Variants in IGF1R observed in about 807,000 individuals in gnomAD.
IGF1R encodes insulin like growth factor 1 receptor.
Under a neutral mutation model 144.6 loss-of-function variants are expected in IGF1R, and 44 were observed. The ratio of observed to expected loss-of-function variants is 0.30; its 90% CI spans 0.24 to 0.39. The LOEUF is 0.39. Among genes scored for constraint, IGF1R ranks in the 10% least tolerant of loss-of-function variants. The pLI is 1.00. For synonymous variants in IGF1R, 795 were observed against 722.8 expected (o/e 1.10, Z -1.60); for missense variants, 1,355 against 1,833.7 (o/e 0.74, Z 4.77).
At chr15:98,885,807 G>C (rs2013611440) in intron 2 of IGF1R, among the ~76,000 whole-genome samples, 1 of 149,574 alleles carries the variant, frequency 6.7e-6, no homozygotes, top group South Asian at 2.1e-4. Flanking sequence ...TGAAGAGGTT[G>C]AGTCTCCTAT....
chr15:98,756,865 C>T (rs1488095635), intron 2 of IGF1R, among the ~76,000 whole-genome samples: 3 of 152,038 alleles, frequency 2.0e-5, no homozygotes, highest in African/African-American at 7.2e-5. Flanking sequence ...TTGATTCTGA[C>T]ATTACTTAGA....
At chr15:98,783,483 AGTTT>A (rs1828008615) in intron 2 of IGF1R, among the ~76,000 whole-genome samples, 1 of 152,120 alleles carries the variant, frequency 6.6e-6, no homozygotes, top group Non-Finnish European at 1.5e-5. Context: ...GTTTATCAAT[AGTTT>A]GTTTCTTTTT....
chr15:98,854,952 C>A (rs1337956594), intron 2 of IGF1R, among the ~76,000 whole-genome samples: 3 of 150,518 alleles, frequency 2.0e-5, no homozygotes, highest in African/African-American at 7.4e-5. Flanking sequence ...CCCCCCCCAA[C>A]ACATGTGGAG....
chr15:98,834,046 C>T (rs547402297), intron 2 of IGF1R, among the ~76,000 whole-genome samples: 10 of 152,336 alleles, frequency 6.6e-5, no homozygotes, highest in Admixed American at 5.2e-4. Context: ...TGCCAGATGT[C>T]ATCTCCTAAT....
At chr15:98,756,246 C>G (rs1379588975) in intron 2 of IGF1R, among the ~76,000 whole-genome samples, 1 of 100,066 alleles carries the variant, frequency 1.0e-5, no homozygotes, top group African/African-American at 3.1e-5. Flanking sequence ...TAGGAAATAA[C>G]CTGTTTTTTT....
intron 2 of IGF1R, among the ~76,000 whole-genome samples, chr15:98,760,587 G>C (rs549978598): frequency 2.0e-4 from 31 of 152,338 alleles, no homozygotes; most frequent in Non-Finnish European, 3.8e-4. Context: ...TGAGCTGAGT[G>C]CATGTCGCTG....
intron 2 of IGF1R, among the ~76,000 whole-genome samples, chr15:98,768,779 A>AAAAAAAAT (rs1567119336): frequency 7.0e-6 from 1 of 143,698 alleles, no homozygotes; most frequent in Non-Finnish European, 1.5e-5. Context: ...AAAAAAAAAA[A>AAAAAAAAT]AAGCCGGGCG....
At chr15:98,826,630 T>C (rs1343418703) in intron 2 of IGF1R, among the ~76,000 whole-genome samples, 2 of 152,214 alleles carry the variant, frequency 1.3e-5, no homozygotes, top group Non-Finnish European at 2.9e-5. Flanking sequence ...TTTTAAGTTC[T>C]TAGGCCTCAG....
At chr15:98,677,967 C>CT (rs1188363946) in intron 1 of IGF1R, among the ~76,000 whole-genome samples, 3 of 152,140 alleles carry the variant, frequency 2.0e-5, no homozygotes, top group Non-Finnish European at 2.9e-5. Flanking sequence ...CATATTTGTC[C>CT]TTTTTTGTCT....
At chr15:98,843,225 C>CT (rs2011207265) in intron 2 of IGF1R, among the ~76,000 whole-genome samples, 1 of 152,108 alleles carries the variant, frequency 6.6e-6, no homozygotes, top group Admixed American at 6.5e-5. Context: ...TTTTTGGCAT[C>CT]TTTTTTCCCC....
At chr15:98,695,725 T>G (rs1031570728) in intron 1 of IGF1R, among the ~76,000 whole-genome samples, 4 of 152,222 alleles carry the variant, frequency 2.6e-5, no homozygotes, top group African/African-American at 9.6e-5. Flanking sequence ...TGAATCCTAC[T>G]GTCTGTTCTT....
intron 13 of IGF1R, among the ~76,000 whole-genome samples, chr15:98,925,777 G>A (rs535141847): frequency 7.2e-5 from 11 of 152,270 alleles, no homozygotes; most frequent in African/African-American, 2.2e-4. Flanking sequence ...GGTGGTACAC[G>A]CCTGTAATCC....
Position 98,935,507 on chromosome 15 carries a change from G to A in IGF1R, c.3297+81G>A, listed in dbSNP as rs2016108710. ...TATAATCTCCCTGCAAGGAAATGCT[G>A]TGTCTTTAAATCAGTTTACTTTCCA... is the stretch of plus-strand genomic sequence containing the variant. On this transcript the variant is annotated intron_variant, in intron 17 of 20. Coordinates refer to ENST00000650285, the MANE Select transcript of IGF1R (RefSeq NM_000875.5). This position sits in a 1 kb window ranked among gnomAD's most constrained non-coding sequence, Gnocchi z 4.2. 5.9e-6 allele frequency: 5 copies of A among 846,600 alleles called. No individual in the cohort carries two copies. The highest frequency in any genetic ancestry group is 2.1e-4 in the Middle Eastern group (1 of 4,674). The allele number at this position is 846,600 out of a possible 1,614,324, so 52.4% of individuals were successfully genotyped here. A position where few individuals can be genotyped will look rare whatever the true frequency, so the allele number is the denominator to read the frequency against.
intron 2 of IGF1R, among the ~76,000 whole-genome samples, chr15:98,736,210 C>T (rs563916041): frequency 1.8e-4 from 27 of 152,324 alleles, no homozygotes; most frequent in African/African-American, 6.0e-4. Context: ...GTCGCTGCTG[C>T]TGGTGAAGTT....
At chr15:98,839,110 C>G (rs1262974543) in intron 2 of IGF1R, among the ~76,000 whole-genome samples, 1 of 152,218 alleles carries the variant, frequency 6.6e-6, no homozygotes, top group Non-Finnish European at 1.5e-5. Flanking sequence ...GAGCTTACAC[C>G]TAGATGACAG....
At chr15:98,687,685 A>G (rs955484331) in intron 1 of IGF1R, among the ~76,000 whole-genome samples, 1 of 152,134 alleles carries the variant, frequency 6.6e-6, no homozygotes, top group African/African-American at 2.4e-5. Flanking sequence ...TAACCAGGGG[A>G]GAGAGAGGTG....
intron 1 of IGF1R, among the ~76,000 whole-genome samples, chr15:98,652,553 T>C (rs568895225): frequency 6.6e-6 from 1 of 152,322 alleles, no homozygotes; most frequent in African/African-American, 2.4e-5. Flanking sequence ...AAGGTCATAA[T>C]GTTTGATTTG....
chr15:98,705,907 C>A (rs1024935649), intron 1 of IGF1R, among the ~76,000 whole-genome samples: 1 of 152,222 alleles, frequency 6.6e-6, no homozygotes, highest in Admixed American at 6.5e-5. Context: ...TCAACTGCTC[C>A]CCTCTTCACC....
At chr15:98,897,147 A>G (rs2014241356) in intron 4 of IGF1R, 1 of 528,170 alleles carries the variant, frequency 1.9e-6, no homozygotes, top group Non-Finnish European at 3.4e-6. Context: ...GTCATCGCTC[A>G]TCTTTTTGTT....
Sources: gnomAD v4.1 joint callset for allele counts (sites outside exome capture counted in the v4.1 genomes callset) on GRCh38, gnomAD v4.1.1 for gene constraint, Gnocchi (gnomAD v3.1) non-coding constraint, MANE v1.5 for transcripts, NCBI Gene and HGNC (gene_info 2026-07-23, HGNC 2026-07-21) for gene names.